The following NFATC4 variants were observed in gnomAD, a reference collection of about 807,000 sequenced individuals.
NFATC4 encodes nuclear factor of activated T cells 4.
Under a neutral mutation model 73.4 loss-of-function variants are expected in NFATC4, and 25 were observed. The ratio of observed to expected loss-of-function variants is 0.34; its 90% CI spans 0.25 to 0.48. The LOEUF is 0.48. NFATC4 is among the 20% of genes least tolerant of loss of function. The pLI is 0.99. For synonymous variants in NFATC4, 523 were observed against 510.3 expected (o/e 1.02, Z -0.34); for missense variants, 1,130 against 1,203.7 (o/e 0.94, Z 0.91).
In NFATC4 at chr14:24,370,301, C is replaced by G. The variant is rs758804078; in HGVS notation, c.903C>G (p.Pro301=). The change falls in exon 2 of 10, where the codon CCC becomes CCG. Residue 301 remains proline (P), a synonymous_variant. Coordinates refer to ENST00000250373, the MANE Select transcript of NFATC4 (RefSeq NM_004554.5). ...AGGGGTCTGAGCCACCTCCACCACC[C>G]CCATTGCCTCTGGCCCGGGACCCGG... The part of the protein sequence containing the change: ...GEEGSEPPPP[P]PLPLARDPGS... The G allele has an allele frequency of 6.2e-7, 1 of 1,611,352 alleles. No homozygotes were observed. The highest frequency in any genetic ancestry group is 8.5e-7 in the Non-Finnish European group (1 of 1,178,192).
chr14:24,376,449 T>G lies in NFATC4; in HGVS notation c.2212T>G (p.Ser738Ala). 1 of 1,613,532 alleles carries G rather than the reference T, an allele frequency of 6.2e-7. No homozygotes were observed. Among genetic ancestry groups the G allele is most frequent in the Non-Finnish European group, 8.5e-7 (1 of 1,179,824 alleles). ...CCCTGCTTGCGAAACTCCTTACCTATCAGAAGGCTTCGGCTATGGCATGCC... is the reference window on the plus strand; with the variant it reads ...CCCTGCTTGCGAAACTCCTTACCTAGCAGAAGGCTTCGGCTATGGCATGCC... ...EDPACETPYLSEGFGYGMPPL... is the reference protein window; with the variant it reads ...EDPACETPYLAEGFGYGMPPL... The change falls in exon 9 of 10, where the codon TCA becomes GCA. Residue 738 changes from serine to alanine, a missense_variant. By Grantham distance (99) the Ser-to-Ala change is moderately conservative. Around this residue, in one of 3 missense-constraint regions of NFATC4, gnomAD observed 390 missense variants for 408.1 expected, o/e 0.96. Transcript: ENST00000250373. The surrounding 1 kb of genome is among the most constrained non-coding windows in gnomAD (Gnocchi z 5.0).
chr14:24,369,120 T>C (rs548161235), intron 1 of NFATC4: 1 of 1,418,640 alleles, frequency 7.0e-7, no homozygotes, highest in African/African-American at 1.4e-5. Context: ...CCAGCGCCGT[T>C]TGGGGGTTTG....
Position 24,377,250 on chromosome 14 carries a change from G to T in NFATC4, c.2641+372G>T. 8.0e-7 allele frequency: 1 copy of T among 1,250,088 alleles called. No individual in the cohort carries two copies. Among genetic ancestry groups the T allele is most frequent in the South Asian group, 3.1e-5 (1 of 32,554 alleles). 77.4% of individuals were successfully genotyped at this position (1,250,088 alleles called of 1,614,324 possible). On this transcript the variant is annotated intron_variant, in intron 9 of 9. Transcript: ENST00000250373. The surrounding 1 kb of genome is among the most constrained non-coding windows in gnomAD (Gnocchi z 4.2). ...GCTGAGGTCCCAGTCAAGCACACTT[G>T]CCATTGCCTCAGCTTTCCCCTAAAC...
Position 24,376,240 on chromosome 14 carries a change from G to A in NFATC4, c.2057-54G>A. ...AGCAGGCAGCTGGAAGGTGTGCAGT[G>A]GGGAGACTACCAGACCTCTCACCAG... On this transcript the variant is annotated intron_variant, in intron 8 of 9. Transcript: ENST00000250373. This position sits in a 1 kb window ranked among gnomAD's most constrained non-coding sequence, Gnocchi z 5.0. 1 of 1,562,462 alleles carries A rather than the reference G, an allele frequency of 6.4e-7. No homozygotes were observed. Among genetic ancestry groups the A allele is most frequent in the Non-Finnish European group, 8.7e-7 (1 of 1,152,716 alleles).
intron 1 of NFATC4, 40 bp downstream of exon 1, chr14:24,368,480 A>G: frequency 5.0e-6 from 6 of 1,209,996 alleles, no homozygotes; most frequent in Non-Finnish European, 5.2e-6. Flanking sequence ...GGTCAGTGAG[A>G]GGAGGGCCGG....
rs765097596 is a variant in NFATC4, at chr14:24,370,054, G to C, written c.656G>C (p.Arg219Pro). The C allele has an allele frequency of 4.4e-6, 7 of 1,608,590 alleles. No individual in the cohort carries two copies. The highest frequency in any genetic ancestry group is 5.1e-6 in the Non-Finnish European group (6 of 1,179,842). Reference sequence around the variant, plus strand: ...CTGGGCTCCCCGCTGCCCTCGCCCCGGGCCTCCCCTCGGCCATGGACCCCC... The same window carrying C: ...CTGGGCTCCCCGCTGCCCTCGCCCCCGGCCTCCCCTCGGCCATGGACCCCC... Reference protein sequence around the residue: ...FGLGSPLPSPRASPRPWTPED... With the variant: ...FGLGSPLPSPPASPRPWTPED... Residue 219 changes from arginine to proline, a missense_variant, in exon 2 of 10, where the codon CGG (arginine) becomes CCG (proline). Physicochemically the swap from Arg to Pro is moderately radical, Grantham distance 103. Transcript: ENST00000250373.
Position 24,374,461 on chromosome 14 carries a change from G to T in NFATC4, c.1868G>T (p.Gly623Val). The change falls in exon 6 of 10, where the codon GGT (glycine) becomes GTT (valine). Residue 623 changes from glycine to valine, a missense_variant. Physicochemically the swap from Gly to Val is moderately radical, Grantham distance 109. Around this residue, in one of 3 missense-constraint regions of NFATC4, gnomAD observed 390 missense variants for 408.1 expected, o/e 0.96. Transcript: ENST00000250373. ...TCCAAGGTGGTGTTCATTGAGAGGG[G>T]TCCTGGTGAGTACCTGCTGGGGAGG... ...PDSKVVFIER[G>V]PDGKLQWEEE... 1 of 1,611,936 alleles carries T rather than the reference G, an allele frequency of 6.2e-7. No homozygotes were observed. The highest frequency in any genetic ancestry group is 8.5e-7 in the Non-Finnish European group (1 of 1,178,672).
At chr14:24,372,886 C>A (rs2042510977) in intron 3 of NFATC4, 2 of 598,130 alleles carry the variant, frequency 3.3e-6, no homozygotes, top group Non-Finnish European at 5.9e-6. Context: ...AGGCTGAGGA[C>A]AAAAGTCACT....
intron 1 of NFATC4, chr14:24,369,055 G>T: frequency 7.3e-7 from 1 of 1,369,334 alleles, no homozygotes. Context: ...CGTCACCACA[G>T]CCCTGACGCC....
chr14:24,367,363 A>G (rs767907078), upstream of NFATC4: 34 of 1,536,276 alleles, frequency 2.2e-5, no homozygotes, highest in Middle Eastern at 1.7e-4. Flanking sequence ...TCAGAGATTC[A>G]TTCCAGACTA....
chr14:24,367,767 C>T (rs2042345319), upstream of NFATC4: 1 of 1,395,186 alleles, frequency 7.2e-7, no homozygotes, highest in African/African-American at 1.5e-5. Context: ...AGTGGTTCTG[C>T]CTTGCTAGGT....
chr14:24,376,768 G>C lies in NFATC4; in HGVS notation c.2531G>C (p.Gly844Ala), dbSNP rs2042635558. 1 of 1,613,954 alleles carries C rather than the reference G, an allele frequency of 6.2e-7. No homozygotes were observed. The highest frequency in any genetic ancestry group is 8.5e-7 in the Non-Finnish European group (1 of 1,179,946). The change falls in exon 9 of 10, where the codon GGG (glycine) becomes GCG (alanine). Residue 844 changes from glycine (G) to alanine (A), a missense_variant. By Grantham distance (60) the Gly-to-Ala change is moderately conservative (BLOSUM62 0). Around this residue, in one of 3 missense-constraint regions of NFATC4, gnomAD observed 390 missense variants for 408.1 expected, o/e 0.96. Transcript: ENST00000250373. This position sits in a 1 kb window ranked among gnomAD's most constrained non-coding sequence, Gnocchi z 5.0. ...PLPAEGYNKV[G>A]PGYGPGEGAP... The stretch of plus-strand genomic sequence containing the variant: ...CCTGCTGAGGGATACAATAAGGTAG[G>C]GCCAGGCTATGGCCCTGGGGAGGGG...
At position 24,372,492 on chromosome 14, in the gene NFATC4, G is replaced by A. The variant is rs1261716144; in HGVS notation, c.1248G>A (p.Gln416=). The A allele has an allele frequency of 8.1e-6, 13 of 1,614,030 alleles. No homozygotes were observed. Among genetic ancestry groups the A allele is most frequent in the South Asian group, 1.1e-5 (1 of 91,084 alleles). ...LDWPLPSQYE[Q]LELRIEVQPR... The stretch of plus-strand genomic sequence containing the variant: ...GGCCTCTGCCCAGCCAATATGAGCA[G>A]CTGGAGCTGAGGATCGAGGTACAGC... Residue 416 remains glutamine, a synonymous_variant, in exon 3 of 10, where the codon CAG becomes CAA. Coordinates refer to ENST00000250373, the MANE Select transcript of NFATC4 (RefSeq NM_004554.5).
chr14:24,369,231 G>T, intron 1 of NFATC4: 1 of 1,535,764 alleles, frequency 6.5e-7, no homozygotes, highest in South Asian at 1.2e-5. Flanking sequence ...AGCCCCTCTG[G>T]ACCCACCTCT....
At position 24,377,953 on chromosome 14, in the gene NFATC4, G is replaced by T. The variant is rs1047133257; in HGVS notation, c.*248G>T. On this transcript the variant is annotated 3_prime_UTR_variant, in exon 10 of 10. Transcript: ENST00000250373. The surrounding 1 kb of genome is among the most constrained non-coding windows in gnomAD (Gnocchi z 4.2). ...GGAGGAGGGTGAAGACTGAGGCTAG[G>T]TGCCAGAATGGACTGGAGTGAAGGC... The T allele has an allele frequency of 5.6e-6, 4 of 717,200 alleles. No homozygotes were observed. Among genetic ancestry groups the T allele is most frequent in the African/African-American group, 5.3e-5 (3 of 56,154 alleles). The allele number at this position is 717,200 out of a possible 1,614,324, so 44.4% of individuals were successfully genotyped here. A position where few individuals can be genotyped will look rare whatever the true frequency, so the allele number is the denominator to read the frequency against.
chr14:24,377,881 G>A lies in NFATC4; in HGVS notation c.*176G>A. 1 of 1,322,670 alleles carries A rather than the reference G, an allele frequency of 7.6e-7. No individual in the cohort carries two copies. The highest frequency in any genetic ancestry group is 1.5e-5 in the African/African-American group (1 of 68,334). 81.9% of individuals were successfully genotyped at this position (1,322,670 alleles called of 1,614,324 possible). On this transcript the variant is annotated 3_prime_UTR_variant, in exon 10 of 10. Transcript: ENST00000250373. This position sits in a 1 kb window ranked among gnomAD's most constrained non-coding sequence, Gnocchi z 4.2. Reference sequence around the variant, plus strand: ...TCCCCCAGCTGAGGTGTGGCCCTCAGGCCTGGTGCTGCCTTGGAGGGCTGG... The same window carrying A: ...TCCCCCAGCTGAGGTGTGGCCCTCAAGCCTGGTGCTGCCTTGGAGGGCTGG...
chr14:24,374,413 C>T lies in NFATC4; in HGVS notation c.1820C>T (p.Thr607Ile), dbSNP rs1050666423. The T allele has an allele frequency of 1.2e-6, 2 of 1,614,050 alleles. No homozygotes were observed. Among genetic ancestry groups the T allele is most frequent in the Non-Finnish European group, 1.7e-6 (2 of 1,179,976 alleles). The part of the protein sequence containing the change: ...SVRGGEELVL[T>I]GSNFLPDSKV... ...AGAGGAGGCGAGGAACTGGTACTGA[C>T]TGGCTCCAACTTCCTGCCAGACTCC... Residue 607 changes from threonine (T) to isoleucine (I), a missense_variant, in exon 6 of 10, where the codon ACT becomes ATT. By Grantham distance (89) the Thr-to-Ile change is moderately conservative. Around this residue, in one of 3 missense-constraint regions of NFATC4, gnomAD observed 390 missense variants for 408.1 expected, o/e 0.96. Coordinates refer to ENST00000250373, the MANE Select transcript of NFATC4 (RefSeq NM_004554.5).
In NFATC4 at chr14:24,378,009, G is replaced by A; in HGVS notation, c.*304G>A. ...TAGAGTGTGGGCTGGCTGTTGTGCTGGAAAGCTGGGGACAGGTTGATGGTA... is the reference window on the plus strand; with the variant it reads ...TAGAGTGTGGGCTGGCTGTTGTGCTAGAAAGCTGGGGACAGGTTGATGGTA... On this transcript the variant is annotated 3_prime_UTR_variant, in exon 10 of 10. Transcript: ENST00000250373. 2.0e-6 allele frequency: 1 copy of A among 494,330 alleles called. No homozygotes were observed. Among genetic ancestry groups the A allele is most frequent in the Non-Finnish European group, 3.6e-6 (1 of 274,498 alleles). 30.6% of individuals were successfully genotyped at this position (494,330 alleles called of 1,614,324 possible). A position where few individuals can be genotyped will look rare whatever the true frequency, so the allele number is the denominator to read the frequency against.
In NFATC4 at chr14:24,376,128, G is replaced by C. The variant is rs1229379680; in HGVS notation, c.2056+27G>C. On this transcript the variant is annotated intron_variant, in intron 8 of 9. Coordinates refer to ENST00000250373, the MANE Select transcript of NFATC4 (RefSeq NM_004554.5). The surrounding 1 kb of genome is among the most constrained non-coding windows in gnomAD (Gnocchi z 5.0). ...TGCGCTCTGGGACAGCCCATGGTGG[G>C]GGTATAGGGATATGGGGAGCTGGAG... is the stretch of plus-strand genomic sequence containing the variant. The C allele has an allele frequency of 6.2e-7, 1 of 1,613,774 alleles. No individual in the cohort carries two copies. Among genetic ancestry groups the C allele is most frequent in the East Asian group, 2.2e-5 (1 of 44,876 alleles).
Sources: gnomAD v4.1 joint callset for allele counts on GRCh38, gnomAD v4.1.1 for gene constraint, gnomAD v4.1.1 regional missense constraint, Gnocchi (gnomAD v3.1) non-coding constraint, MANE v1.5 for transcripts, NCBI Gene and HGNC (gene_info 2026-07-23, HGNC 2026-07-21) for gene names.